SYN3: variants seen among roughly 807,000 people sequenced by gnomAD.
SYN3 encodes the protein synapsin-3.
Under a neutral mutation model 65.8 loss-of-function variants are expected in SYN3, and 35 were observed. The observed-to-expected ratio is 0.53, with a 90% CI of 0.41 to 0.70. The LOEUF is 0.70. Ranked by LOEUF, SYN3 falls within the 30% of genes least tolerant of loss-of-function variation. SYN3 has a pLI of 0.00. For missense variants in SYN3, 680 were observed against 749.0 expected (o/e 0.91, Z 1.08); for synonymous variants, 270 against 292.9 (o/e 0.92, Z 0.80).
intron 1 of SYN3, among the ~76,000 whole-genome samples, chr22:33,036,482 G>A (rs2053861374): frequency 1.3e-5 from 2 of 152,116 alleles, no homozygotes; most frequent in Admixed American, 1.3e-4. Flanking sequence ...AGAAAGGACA[G>A]AAATTAATCA....
intron 1 of SYN3, among the ~76,000 whole-genome samples, chr22:33,030,575 A>G (rs2053731893): frequency 6.6e-6 from 1 of 151,780 alleles, no homozygotes; most frequent in South Asian, 2.1e-4. Flanking sequence ...ACTGAGAGAT[A>G]GAGACAGAGA....
rs949609335 is a variant in SYN3 at position 32,742,358 on chromosome 22, T to C, written c.711+122557A>G. On this transcript the variant is annotated intron_variant, in intron 6 of 13. Transcript: ENST00000358763. ...CACACAGCCCAGAATGACTCCTAGG[T>C]CTCAGCTTGGATTCTTATAGGATCT... is the stretch of plus-strand genomic sequence containing the variant. Among the ~76,000 whole-genome samples, 3 of 152,052 alleles carry C rather than the reference T, an allele frequency of 2.0e-5. No homozygotes were observed. In the South Asian group the frequency reaches 6.2e-4, roughly 32 times the overall value.
chr22:32,857,993 TTGTTTTCTTCTTTCCTCC>T (rs763969935), intron 6 of SYN3: 1 of 1,614,066 alleles, frequency 6.2e-7, no homozygotes, highest in South Asian at 1.1e-5. Context: ...CAACCTCTCC[TTGTTTTCTTCTTTCCTCC>T]TGTAGGTCGC....
intron 6 of SYN3, among the ~76,000 whole-genome samples, chr22:32,822,182 G>C (rs2047268835): frequency 6.6e-6 from 1 of 151,184 alleles, no homozygotes; most frequent in African/African-American, 2.4e-5. Context: ...AAAGAAGTTG[G>C]AGCTCTGTCT....
At chr22:32,731,349 G>C (rs1428123844) in intron 6 of SYN3, among the ~76,000 whole-genome samples, 4 of 152,096 alleles carry the variant, frequency 2.6e-5, no homozygotes. Flanking sequence ...CAACTTTACT[G>C]GGTGACCTAG....
intron 1 of SYN3, among the ~76,000 whole-genome samples, chr22:33,050,618 T>C (rs1035432040): frequency 2.0e-5 from 3 of 152,020 alleles, no homozygotes; most frequent in South Asian, 4.2e-4. Flanking sequence ...TACAGTGACC[T>C]GGCTGAGCTA....
At chr22:33,047,863 CAAA>C (rs58025351) in intron 1 of SYN3, among the ~76,000 whole-genome samples, 2 of 53,554 alleles carry the variant, frequency 3.7e-5, no homozygotes, top group Non-Finnish European at 8.3e-5. Context: ...TTTTCATGTG[CAAA>C]AAAAAAAAAA....
chr22:32,778,558 C>T (rs2145814253), intron 6 of SYN3, among the ~76,000 whole-genome samples: 1 of 152,302 alleles, frequency 6.6e-6, no homozygotes, highest in South Asian at 2.1e-4. Flanking sequence ...TCCCAAAGTG[C>T]TGGGATTACA....
At chr22:32,726,478 G>A (rs140270292) in intron 6 of SYN3, among the ~76,000 whole-genome samples, 1 of 152,066 alleles carries the variant, frequency 6.6e-6, no homozygotes, top group Admixed American at 6.6e-5. Context: ...GAGGGGATCC[G>A]AACTCTATAT....
chr22:32,735,158 G>A (rs2061322757), intron 6 of SYN3, among the ~76,000 whole-genome samples: 1 of 152,150 alleles, frequency 6.6e-6, no homozygotes, highest in Non-Finnish European at 1.5e-5. Flanking sequence ...TGTGTGTTGA[G>A]GGGCAGGATA....
At chr22:32,843,572 A>G (rs1267291719) in intron 6 of SYN3, among the ~76,000 whole-genome samples, 2 of 152,160 alleles carry the variant, frequency 1.3e-5, no homozygotes, top group Non-Finnish European at 2.9e-5. Context: ...AATACACACG[A>G]AGGGGCCGTG....
chr22:32,926,715 TTTAA>T (rs1449445866), intron 4 of SYN3, among the ~76,000 whole-genome samples: 3 of 152,256 alleles, frequency 2.0e-5, no homozygotes, highest in Non-Finnish European at 4.4e-5. Context: ...AACTCTTCTC[TTTAA>T]TTAGTGCATT....
chr22:32,814,321 AAG>A (rs1569245350), intron 6 of SYN3, among the ~76,000 whole-genome samples: 1 of 146,122 alleles, frequency 6.8e-6, no homozygotes, highest in African/African-American at 2.6e-5. Flanking sequence ...GAGAGACAGA[AAG>A]AAAGAAAGAA....
chr22:32,607,411 C>T (rs1348847446), intron 6 of SYN3, among the ~76,000 whole-genome samples: 2 of 152,170 alleles, frequency 1.3e-5, no homozygotes, highest in African/African-American at 2.4e-5. Flanking sequence ...AACGCTGCCA[C>T]CACCCGCCCA....
intron 6 of SYN3, among the ~76,000 whole-genome samples, chr22:32,675,614 C>T (rs1398950456): frequency 1.3e-5 from 2 of 152,166 alleles, no homozygotes; most frequent in African/African-American, 4.8e-5. Context: ...CAAGGGTACC[C>T]TCTAGAGAGA....
At position 32,711,095 on chromosome 22, in the gene SYN3, G is replaced by A. The variant is rs147124975; in HGVS notation, c.712-114359C>T. On this transcript the variant is annotated intron_variant, in intron 6 of 13. Transcript: ENST00000358763. The stretch of plus-strand genomic sequence containing the variant: ...TAATTGTCCCTGTTTGCCCAAGACT[G>A]AGGTGGGTCTTTGGACATGGGAATT... 6.9e-3 allele frequency among the ~76,000 whole-genome samples: 1,048 copies of A among 152,294 alleles called. 15 individuals carry two copies. The highest frequency in any genetic ancestry group is 0.024 in the African/African-American group (1,006 of 41,540).
chr22:32,765,895 C>T (rs1407864660), intron 6 of SYN3, among the ~76,000 whole-genome samples: 3 of 152,202 alleles, frequency 2.0e-5, no homozygotes, highest in Non-Finnish European at 4.4e-5. Context: ...AGATGGAGAA[C>T]TTATAGAGAG....
chr22:32,586,089 T>C (rs62232738), intron 7 of SYN3, among the ~76,000 whole-genome samples: 28 of 96,540 alleles, frequency 2.9e-4, no homozygotes, highest in South Asian at 9.2e-4. Flanking sequence ...TACATGTATA[T>C]ATGTATATAT....
At position 32,946,774 on chromosome 22, in the gene SYN3, A is replaced by T. The variant is rs549979606; in HGVS notation, c.370-15293T>A. ...TGCTTTAGTAAATGAAGATGGCTGC[A>T]TGTAATTCTGATTGTTTTAGGGGGG... On this transcript the variant is annotated intron_variant, in intron 3 of 13. Transcript: ENST00000358763. 3.3e-5 allele frequency among the ~76,000 whole-genome samples: 5 copies of T among 152,338 alleles called. No homozygotes were observed. In the South Asian group the frequency reaches 1.0e-3, roughly 32 times the overall value.
Sources: gnomAD v4.1 joint callset for allele counts (sites outside exome capture counted in the v4.1 genomes callset) on GRCh38, gnomAD v4.1.1 for gene constraint, MANE v1.5 for transcripts, NCBI Gene and HGNC (gene_info 2026-07-23, HGNC 2026-07-21) for gene names.